Variants in CADM2 observed in about 807,000 individuals in gnomAD.
CADM2 encodes immunoglobulin superfamily member 4D.
A neutral mutation model predicts 49.8 loss-of-function variants in CADM2; 12 were observed. The ratio of observed to expected loss-of-function variants is 0.24; its 90% CI spans 0.15 to 0.39. CADM2 has a LOEUF of 0.39. Ranked by LOEUF, CADM2 falls within the 10% of genes least tolerant of loss-of-function variation. The probability of loss-of-function intolerance (pLI) is 1.00; values close to 1 mark genes in which losing one functional copy is unlikely to be tolerated. For synonymous variants in CADM2, 214 were observed against 175.4 expected, an observed-to-expected ratio of 1.22 and a Z score of -1.74; for missense variants, 378 against 492.3, an observed-to-expected ratio of 0.77 and a Z score of 2.20.
chr3:85,556,278 A>C (rs964192084), intron 1 of CADM2, among the ~76,000 whole-genome samples: 4 of 152,100 alleles, frequency 2.6e-5, no homozygotes, highest in Non-Finnish European at 5.9e-5. Context: ...TGGTCATCCT[A>C]TTCTTCATCC....
intron 1 of CADM2, among the ~76,000 whole-genome samples, chr3:85,184,920 G>A (rs1222372915): frequency 6.6e-6 from 1 of 151,946 alleles, no homozygotes; most frequent in Non-Finnish European, 1.5e-5. Flanking sequence ...ATTATGTTGG[G>A]CTTTGCTTTA....
chr3:85,042,541 T>C (rs2035482702), intron 1 of CADM2, among the ~76,000 whole-genome samples: 1 of 152,174 alleles, frequency 6.6e-6, no homozygotes, highest in East Asian at 1.9e-4. Context: ...AATAAATGAC[T>C]AAGACTTTTT....
chr3:85,264,568 A>G (rs2043081519), intron 1 of CADM2, among the ~76,000 whole-genome samples: 1 of 151,922 alleles, frequency 6.6e-6, no homozygotes, highest in South Asian at 2.1e-4. Flanking sequence ...TTCTTCATAG[A>G]TTATTGTTAG....
At chr3:85,462,159 T>A (rs2038276676) in intron 1 of CADM2, among the ~76,000 whole-genome samples, 2 of 152,164 alleles carry the variant, frequency 1.3e-5, no homozygotes, top group African/African-American at 4.8e-5. Context: ...TCTGAGAACC[T>A]ACCTACCCAG....
In CADM2 at chr3:84,984,356, T is replaced by TAAAAAAAAAAAA. The variant is rs375702349; in HGVS notation, c.61+24706_61+24717dup. On this transcript the variant is annotated intron_variant, in intron 1 of 9. Transcript: ENST00000383699. ...CCTCATAGCCACCTCAAGATTAAGCTAAAAAAAAAAAAAAAAAAAAAAAAA... is the reference window on the plus strand; with the variant it reads ...CCTCATAGCCACCTCAAGATTAAGCTAAAAAAAAAAAAAAAAAAAAAAAAAAAAAAAAAAAAA... 6.0e-4 allele frequency among the ~76,000 whole-genome samples: 40 copies of TAAAAAAAAAAAA among 67,054 alleles called. 4 individuals are homozygous for TAAAAAAAAAAAA. Among genetic ancestry groups the TAAAAAAAAAAAA allele is most frequent in the African/African-American group, 2.1e-3 (28 of 13,324 alleles). The allele number at this position is 67,054 out of a possible 152,430, so 44.0% of individuals were successfully genotyped here. A position where few individuals can be genotyped will look rare whatever the true frequency, so the allele number is the denominator to read the frequency against.
intron 8 of CADM2, among the ~76,000 whole-genome samples, chr3:85,996,760 C>A (rs553009290): frequency 6.6e-6 from 1 of 152,210 alleles, no homozygotes; most frequent in Non-Finnish European, 1.5e-5. Context: ...CCCATTCCAA[C>A]CTTTTTGGAA....
intron 2 of CADM2, among the ~76,000 whole-genome samples, chr3:85,748,730 G>T (rs1434367076): frequency 6.6e-6 from 1 of 151,986 alleles, no homozygotes; most frequent in Non-Finnish European, 1.5e-5. Flanking sequence ...CCTCTCTCAG[G>T]TGTTTACCAC....
At chr3:85,975,159 T>G (rs1374746412) in intron 8 of CADM2, among the ~76,000 whole-genome samples, 1 of 151,470 alleles carries the variant, frequency 6.6e-6, no homozygotes, top group Admixed American at 6.6e-5. Flanking sequence ...ATGAATTCAT[T>G]TCATATCCTA....
intron 1 of CADM2, among the ~76,000 whole-genome samples, chr3:85,029,303 A>G (rs895731259): frequency 3.9e-5 from 6 of 152,214 alleles, no homozygotes; most frequent in Non-Finnish European, 7.4e-5. Context: ...GAGCTGAATT[A>G]TTCATGCTTG....
intron 1 of CADM2, among the ~76,000 whole-genome samples, chr3:85,310,540 A>T (rs2044317569): frequency 6.6e-6 from 1 of 152,128 alleles, no homozygotes; most frequent in African/African-American, 2.4e-5. Context: ...GTAGAATGTG[A>T]CTTTAAGAGT....
chr3:85,125,369 A>AT (rs199735966), intron 1 of CADM2, among the ~76,000 whole-genome samples: 43 of 151,150 alleles, frequency 2.8e-4, no homozygotes, highest in African/African-American at 6.1e-4. Context: ...GTGAACTTAG[A>AT]TTTTTGTTTT....
intron 5 of CADM2, among the ~76,000 whole-genome samples, chr3:85,907,731 C>A (rs1053020598): frequency 6.6e-6 from 1 of 151,834 alleles, no homozygotes; most frequent in African/African-American, 2.4e-5. Context: ...ACCAAAGTGG[C>A]GAAACTCCGT....
intron 1 of CADM2, among the ~76,000 whole-genome samples, chr3:85,607,279 T>C (rs1387391265): frequency 6.6e-6 from 1 of 152,074 alleles, no homozygotes; most frequent in Non-Finnish European, 1.5e-5. Flanking sequence ...ATAAATACAA[T>C]GTATGATGGC....
intron 1 of CADM2, among the ~76,000 whole-genome samples, chr3:85,510,575 A>G (rs72909241): frequency 0.043 from 6,484 of 152,046 alleles, 461 homozygotes; most frequent in African/African-American, 0.15. Flanking sequence ...TTTTAATGAA[A>G]TTTTGTTTTG....
At chr3:84,978,844 T>C (rs1373352601) in intron 1 of CADM2, among the ~76,000 whole-genome samples, 2 of 152,224 alleles carry the variant, frequency 1.3e-5, no homozygotes, top group Admixed American at 1.3e-4. Flanking sequence ...AAATTGGATG[T>C]AACTTTAAAA....
intron 1 of CADM2, among the ~76,000 whole-genome samples, chr3:85,453,535 T>C (rs1004628091): frequency 5.9e-5 from 9 of 152,158 alleles, no homozygotes; most frequent in African/African-American, 2.2e-4. Flanking sequence ...ATATTTATTG[T>C]CAATTTTCTG....
intron 1 of CADM2, among the ~76,000 whole-genome samples, chr3:85,226,473 C>T (rs1408621163): frequency 6.6e-6 from 1 of 152,038 alleles, no homozygotes; most frequent in Non-Finnish European, 1.5e-5. Flanking sequence ...GTGATATCAC[C>T]TTTATCATTT....
chr3:85,460,362 A>T (rs1480581651), intron 1 of CADM2, among the ~76,000 whole-genome samples: 3 of 152,204 alleles, frequency 2.0e-5, no homozygotes, highest in Non-Finnish European at 2.9e-5. Flanking sequence ...ATAAAAAAAA[A>T]TTTTCAGCTT....
chr3:85,678,799 T>C (rs2065957494), intron 1 of CADM2, among the ~76,000 whole-genome samples: 1 of 152,218 alleles, frequency 6.6e-6, no homozygotes, highest in Non-Finnish European at 1.5e-5. Context: ...TGGTCAATAG[T>C]GCAGGGTGGC....
Sources: allele counts gnomAD v4.1 joint callset (sites outside exome capture counted in the v4.1 genomes callset), GRCh38; gene constraint gnomAD v4.1.1; transcripts MANE v1.5; gene names NCBI Gene and HGNC (gene_info 2026-07-23, HGNC 2026-07-21).